The following BRINP3 variants were observed in gnomAD, a reference collection of about 807,000 sequenced individuals.
BRINP3 encodes BMP/retinoic acid-inducible neural-specific protein 3.
BRINP3 carries 19 observed loss-of-function variants against 71.0 expected under a neutral mutation model. The observed-to-expected ratio is 0.27, with a 90% CI of 0.19 to 0.39. The LOEUF (loss-of-function observed/expected upper bound fraction) is 0.39. BRINP3 is among the 10% of genes least tolerant of loss of function. The pLI is 1.00. For missense variants in BRINP3, 959 were observed against 940.8 expected, an observed-to-expected ratio of 1.02 and a Z score of -0.25; for synonymous variants, 380 against 337.7, an observed-to-expected ratio of 1.13 and a Z score of -1.37.
intron 4 of BRINP3, among the ~76,000 whole-genome samples, chr1:190,239,790 T>A (rs1031783980): frequency 6.6e-6 from 1 of 152,066 alleles, no homozygotes; most frequent in Admixed American, 6.6e-5. Context: ...TCCATGCATA[T>A]GTAATAAAAT....
At chr1:190,232,072 C>A (rs955504826) in intron 5 of BRINP3, among the ~76,000 whole-genome samples, 3 of 151,936 alleles carry the variant, frequency 2.0e-5, no homozygotes, top group Admixed American at 2.0e-4. Context: ...AAAACTTCAA[C>A]ATGTACTTAG....
At chr1:190,220,968 T>TA (rs1331200134) in intron 6 of BRINP3, among the ~76,000 whole-genome samples, 13 of 152,114 alleles carry the variant, frequency 8.5e-5, no homozygotes, top group Admixed American at 8.5e-4. Flanking sequence ...GTAATAGCTA[T>TA]AGCAACTTTC....
At chr1:190,135,173 G>A (rs544481188) in intron 7 of BRINP3, among the ~76,000 whole-genome samples, 1 of 151,956 alleles carries the variant, frequency 6.6e-6, no homozygotes, top group South Asian at 2.1e-4. Flanking sequence ...AATGCATATG[G>A]GAATTAATCC....
intron 7 of BRINP3, among the ~76,000 whole-genome samples, chr1:190,106,727 C>G (rs1384522360): frequency 1.3e-5 from 2 of 151,338 alleles, no homozygotes. Context: ...TGATTTAATA[C>G]TTTTTTCTTA....
chr1:190,233,009 A>G (rs138584074), intron 5 of BRINP3, among the ~76,000 whole-genome samples: 183 of 152,326 alleles, frequency 1.2e-3, no homozygotes, highest in African/African-American at 4.1e-3. Flanking sequence ...TTGTTAAAGT[A>G]TTTAAGAACT....
chr1:190,417,420 A>G (rs1673080710), intron 2 of BRINP3, among the ~76,000 whole-genome samples: 1 of 152,094 alleles, frequency 6.6e-6, no homozygotes, highest in Admixed American at 6.6e-5. Flanking sequence ...CAATATACCT[A>G]TTATCTATTA....
intron 7 of BRINP3, among the ~76,000 whole-genome samples, chr1:190,132,424 G>C (rs898635997): frequency 3.3e-5 from 5 of 151,938 alleles, no homozygotes; most frequent in African/African-American, 1.2e-4. Context: ...TATTATATTG[G>C]GTTGTAGTAA....
At chr1:190,427,658 G>T (rs1244364827) in intron 2 of BRINP3, among the ~76,000 whole-genome samples, 1 of 151,904 alleles carries the variant, frequency 6.6e-6, no homozygotes, top group African/African-American at 2.4e-5. Context: ...ATCCCTTAGA[G>T]CCTCAAGAAG....
intron 1 of BRINP3, among the ~76,000 whole-genome samples, chr1:190,458,729 A>G (rs1310142495): frequency 1.3e-5 from 2 of 151,984 alleles, no homozygotes; most frequent in Non-Finnish European, 2.9e-5. Flanking sequence ...ATATACTGCC[A>G]AGAAAGAGAA....
intron 7 of BRINP3, among the ~76,000 whole-genome samples, chr1:190,145,337 A>AT (rs906809321): frequency 2.0e-5 from 3 of 152,080 alleles, no homozygotes; most frequent in African/African-American, 7.2e-5. Context: ...ATCCCATTTA[A>AT]TTTTTTATTC....
At chr1:190,287,966 G>C (rs1663563909) in intron 2 of BRINP3, among the ~76,000 whole-genome samples, 1 of 152,070 alleles carries the variant, frequency 6.6e-6, no homozygotes, top group South Asian at 2.1e-4. Context: ...CACAAATGCA[G>C]GTATATATGA....
chr1:190,138,171 C>A (rs1655132837), intron 7 of BRINP3, among the ~76,000 whole-genome samples: 1 of 152,100 alleles, frequency 6.6e-6, no homozygotes, highest in South Asian at 2.1e-4. Context: ...TCAGTCTGGT[C>A]TTGAACTCCC....
At chr1:190,287,914 T>C (rs1006227586) in intron 2 of BRINP3, among the ~76,000 whole-genome samples, 1 of 152,136 alleles carries the variant, frequency 6.6e-6, no homozygotes, top group Non-Finnish European at 1.5e-5. Flanking sequence ...TAAATCACTT[T>C]CATAGCTTAA....
intron 5 of BRINP3, among the ~76,000 whole-genome samples, chr1:190,230,395 C>G (rs1478978655): frequency 6.6e-6 from 1 of 151,942 alleles, no homozygotes; most frequent in East Asian, 1.9e-4. Flanking sequence ...CTATTTTGCT[C>G]ATGAACTACC....
chr1:190,291,393 G>A (rs1357844297), intron 2 of BRINP3, among the ~76,000 whole-genome samples: 1 of 151,932 alleles, frequency 6.6e-6, no homozygotes, highest in Non-Finnish European at 1.5e-5. Flanking sequence ...TACAGAATGG[G>A]AGAAAATAAG....
chr1:190,451,337 T>A (rs1675592155), intron 2 of BRINP3, among the ~76,000 whole-genome samples: 1 of 152,170 alleles, frequency 6.6e-6, no homozygotes, highest in Non-Finnish European at 1.5e-5. Context: ...CCACTAAAAA[T>A]GAGTCCCTTG....
intron 2 of BRINP3, among the ~76,000 whole-genome samples, chr1:190,353,915 C>G (rs1668564323): frequency 6.6e-6 from 1 of 151,990 alleles, no homozygotes; most frequent in Admixed American, 6.6e-5. Flanking sequence ...GATGCTTTCA[C>G]TCTTAGTTTT....
intron 2 of BRINP3, among the ~76,000 whole-genome samples, chr1:190,323,497 G>C (rs1304126691): frequency 6.6e-6 from 1 of 151,470 alleles, no homozygotes; most frequent in East Asian, 1.9e-4. Flanking sequence ...GGAATGAAGT[G>C]CATTGTACCT....
intron 3 of BRINP3, among the ~76,000 whole-genome samples, chr1:190,272,552 T>G (rs559063550): frequency 1.3e-5 from 2 of 151,682 alleles, no homozygotes; most frequent in African/African-American, 4.8e-5. Flanking sequence ...CTTTCTCTCT[T>G]TTCCTTTTTA....
Sources: gnomAD v4.1 joint callset for allele counts (sites outside exome capture counted in the v4.1 genomes callset) on GRCh38, gnomAD v4.1.1 for gene constraint, MANE v1.5 for transcripts, NCBI Gene and HGNC (gene_info 2026-07-23, HGNC 2026-07-21) for gene names.